Variants in SORCS3 observed in about 807,000 individuals in gnomAD.
SORCS3 encodes VPS10 domain-containing receptor SorCS3.
A neutral mutation model predicts 146.3 loss-of-function variants in SORCS3; 57 were observed. That is an observed-to-expected ratio of 0.39 (90% CI 0.31 to 0.49). The LOEUF is 0.49. SORCS3 is among the 20% of genes least tolerant of loss of function. The probability of loss-of-function intolerance (pLI) is 0.92; values close to 1 mark genes in which losing one functional copy is unlikely to be tolerated. For missense variants in SORCS3, 1,341 were observed against 1,575.5 expected (o/e 0.85, Z 2.52); for synonymous variants, 653 against 618.5 (o/e 1.06, Z -0.83).
intron 1 of SORCS3, among the ~76,000 whole-genome samples, chr10:104,756,780 C>A (rs1167747180): frequency 6.6e-6 from 1 of 152,214 alleles, no homozygotes; most frequent in African/African-American, 2.4e-5. Context: ...AGCTTTAGTA[C>A]CTCTCTTTAG....
intron 2 of SORCS3, among the ~76,000 whole-genome samples, chr10:104,885,627 A>C (rs1358240904): frequency 6.6e-6 from 1 of 152,180 alleles, no homozygotes; most frequent in African/African-American, 2.4e-5. Context: ...ACCATGAAAC[A>C]ATATTTTTCG....
intron 3 of SORCS3, among the ~76,000 whole-genome samples, chr10:104,926,631 T>C (rs2019150495): frequency 6.6e-6 from 1 of 152,232 alleles, no homozygotes; most frequent in African/African-American, 2.4e-5. Flanking sequence ...GGAGTTTCCA[T>C]CTGCCTTCGC....
rs116170238 is a variant in SORCS3 at position 105,143,041 on chromosome 10, C to T, written c.1302+3555C>T. On this transcript the variant is annotated intron_variant, in intron 8 of 26. Transcript: ENST00000369701. The stretch of plus-strand genomic sequence containing the variant: ...TAATTCTAATCTCTTTTCTTACTCC[C>T]TATTCTCTCTTCAACCTGCTGCTGT... Among the ~76,000 whole-genome samples the T allele has an allele frequency of 6.3e-3, 963 of 152,268 alleles. 13 individuals carry two copies. The highest frequency in any genetic ancestry group is 0.022 in the African/African-American group (911 of 41,556).
intron 20 of SORCS3, among the ~76,000 whole-genome samples, chr10:105,234,758 T>A (rs189994733): frequency 5.3e-5 from 8 of 152,232 alleles, no homozygotes; most frequent in Admixed American, 5.2e-4. Flanking sequence ...ATTGCTCATC[T>A]GTTTTGGCAT....
At chr10:104,890,343 C>T (rs1198092109) in intron 2 of SORCS3, among the ~76,000 whole-genome samples, 6 of 151,876 alleles carry the variant, frequency 4.0e-5, no homozygotes, top group African/African-American at 1.5e-4. Flanking sequence ...TCATTTTTTC[C>T]TCAGTTTTTT....
chr10:104,757,065 G>GA (rs2017061169), intron 1 of SORCS3, among the ~76,000 whole-genome samples: 1 of 114,240 alleles, frequency 8.8e-6, no homozygotes, highest in African/African-American at 3.5e-5. Context: ...CCAAGTTAAG[G>GA]GTTTTTTTTT....
intron 4 of SORCS3, among the ~76,000 whole-genome samples, chr10:104,990,502 G>A (rs990873344): frequency 2.0e-5 from 3 of 151,980 alleles, no homozygotes; most frequent in Non-Finnish European, 4.4e-5. Flanking sequence ...TGAGGTCAAG[G>A]ATGGGGATCA....
In SORCS3 at chr10:105,178,078, T is replaced by C. The variant is rs1481806255; in HGVS notation, c.1914T>C (p.Asp638=). 2 of 1,613,246 alleles carry C rather than the reference T, an allele frequency of 1.2e-6. No individual in the cohort carries two copies. The highest frequency in any genetic ancestry group is 1.7e-6 in the Non-Finnish European group (2 of 1,179,606). The part of the protein sequence containing the change: ...LPVRHLWVSF[D]EGHSWDKYGF... ...GTTTCCAACACAGGGTGAGTTTTGA[T>C]GAGGGCCACTCTTGGGACAAGTATG... is the stretch of plus-strand genomic sequence containing the variant. The change falls in exon 14 of 27, where the codon GAT becomes GAC. Residue 638 remains aspartate (D), a synonymous_variant. Coordinates refer to ENST00000369701, the MANE Select transcript of SORCS3 (RefSeq NM_014978.3).
chr10:104,896,991 G>C (rs2018804653), intron 2 of SORCS3, among the ~76,000 whole-genome samples: 1 of 152,148 alleles, frequency 6.6e-6, no homozygotes, highest in South Asian at 2.1e-4. Context: ...TAGGGCAGGT[G>C]ATGGGTTTAA....
At chr10:104,763,190 C>A (rs550506732) in intron 1 of SORCS3, among the ~76,000 whole-genome samples, 1 of 152,126 alleles carries the variant, frequency 6.6e-6, no homozygotes, top group Admixed American at 6.5e-5. Context: ...CAGTATTCTG[C>A]GGTTTAATAA....
chr10:105,142,101 C>T (rs2056099208), intron 8 of SORCS3, among the ~76,000 whole-genome samples: 2 of 152,064 alleles, frequency 1.3e-5, no homozygotes, highest in Admixed American at 1.3e-4. Flanking sequence ...TGCCTTAAAC[C>T]CTCACTTTAC....
intron 5 of SORCS3, among the ~76,000 whole-genome samples, chr10:105,047,865 G>A (rs1381584548): frequency 1.3e-5 from 2 of 152,066 alleles, no homozygotes; most frequent in Admixed American, 6.6e-5. Flanking sequence ...AAAACAAAGT[G>A]TGTCCCTCCT....
intron 2 of SORCS3, among the ~76,000 whole-genome samples, chr10:104,873,441 G>A (rs904652002): frequency 2.6e-5 from 4 of 152,176 alleles, no homozygotes; most frequent in Admixed American, 1.3e-4. Flanking sequence ...GCAATCAACA[G>A]CCCCATTTAG....
intron 4 of SORCS3, among the ~76,000 whole-genome samples, chr10:104,999,687 G>T (rs1193547031): frequency 6.6e-6 from 1 of 152,148 alleles, no homozygotes; most frequent in African/African-American, 2.4e-5. Context: ...AGGCAGAAGG[G>T]TTTATTCCCC....
chr10:104,742,536 G>T (rs925626387), intron 1 of SORCS3, among the ~76,000 whole-genome samples: 1 of 152,204 alleles, frequency 6.6e-6, no homozygotes, highest in Non-Finnish European at 1.5e-5. Flanking sequence ...CCAGTGGGTA[G>T]TGGTAACATG....
At chr10:105,142,785 A>G (rs964007248) in intron 8 of SORCS3, among the ~76,000 whole-genome samples, 1 of 152,166 alleles carries the variant, frequency 6.6e-6, no homozygotes, top group Admixed American at 6.6e-5. Context: ...GTCGTTTCAA[A>G]TAAAATCTCC....
At chr10:105,161,637 A>G (rs945203623) in intron 11 of SORCS3, among the ~76,000 whole-genome samples, 1 of 152,110 alleles carries the variant, frequency 6.6e-6, no homozygotes, top group Non-Finnish European at 1.5e-5. Flanking sequence ...GGTTCCTAAT[A>G]TCCTTAACAC....
In SORCS3 at chr10:104,940,230, ATATATATATTTTTTTTTT is replaced by A. The variant is rs1457090549; in HGVS notation, c.795+24300_795+24317del. 3.2e-3 allele frequency among the ~76,000 whole-genome samples: 76 copies of A among 23,938 alleles called. 2 individuals carry two copies. The highest frequency in any genetic ancestry group is 0.012 in the African/African-American group (73 of 6,196). The allele number at this position is 23,938 out of a possible 152,430, so 15.7% of individuals were successfully genotyped here. On this transcript the variant is annotated intron_variant, in intron 3 of 26. Coordinates refer to ENST00000369701, the MANE Select transcript of SORCS3 (RefSeq NM_014978.3). ...TATATATATATATATATATATATAT[ATATATATATTTTTTTTTT>A]TTTTTTTATTATACTTTAAGTTCTA...
At chr10:105,118,748 C>G (rs963187754) in intron 7 of SORCS3, among the ~76,000 whole-genome samples, 1 of 152,126 alleles carries the variant, frequency 6.6e-6, no homozygotes, top group Non-Finnish European at 1.5e-5. Context: ...AGCAAAGAGA[C>G]TTGTGGGTTT....
Sources: gnomAD v4.1 joint callset for allele counts (sites outside exome capture counted in the v4.1 genomes callset) on GRCh38, gnomAD v4.1.1 for gene constraint, MANE v1.5 for transcripts, NCBI Gene and HGNC (gene_info 2026-07-23, HGNC 2026-07-21) for gene names.